The following PLA2R1 variants were observed in gnomAD, a reference collection of about 807,000 sequenced individuals.
PLA2R1 encodes the protein phospholipase A2 receptor 1, also known as secretory phospholipase A2 receptor.
Under a neutral mutation model 195.9 loss-of-function variants are expected in PLA2R1, and 158 were observed. The observed-to-expected ratio is 0.81, with a 90% CI of 0.71 to 0.92. The LOEUF (loss-of-function observed/expected upper bound fraction) is 0.92. PLA2R1 is among the 40% of genes least tolerant of loss of function. The pLI is 0.00. For synonymous variants in PLA2R1, 586 were observed against 598.2 expected (o/e 0.98, Z 0.30); for missense variants, 1,626 against 1,764.6 (o/e 0.92, Z 1.41).
At chr2:159,929,627 C>T (rs1349020822), downstream of PLA2R1, among the ~76,000 whole-genome samples, 4 of 152,046 alleles carry the variant, frequency 2.6e-5, no homozygotes, top group African/African-American at 9.7e-5. Context: ...AACTACCATT[C>T]GATCCAGCAA....
intron 18 of PLA2R1, 77 bp from the exon 19 acceptor site, chr2:159,969,436 A>C (rs1476799447): frequency 2.6e-6 from 2 of 769,940 alleles, no homozygotes; most frequent in Non-Finnish European, 4.5e-6. Context: ...TAGAGTTCTG[A>C]GGTAGGGATT....
intron 10 of PLA2R1, among the ~76,000 whole-genome samples, chr2:160,010,275 A>C (rs1021381718): frequency 2.6e-5 from 4 of 152,232 alleles, no homozygotes; most frequent in Non-Finnish European, 4.4e-5. Flanking sequence ...CCAATTATCC[A>C]TTATAATTTT....
chr2:159,961,953 C>T (rs1022526324), intron 20 of PLA2R1, among the ~76,000 whole-genome samples: 3 of 152,148 alleles, frequency 2.0e-5, no homozygotes, highest in Admixed American at 6.6e-5. Context: ...CTGGGCAATA[C>T]CATTCAGGAC....
rs1686858900 is a variant in PLA2R1 at position 159,936,841 on chromosome 2, A to C, written c.*4937T>G. The C allele has an allele frequency of 6.6e-6, 1 of 152,260 alleles. No individual in the cohort carries two copies. Among genetic ancestry groups the C allele is most frequent in the Non-Finnish European group, 1.5e-5 (1 of 68,044 alleles). 9.4% of individuals were successfully genotyped at this position (152,260 alleles called of 1,614,324 possible). ...TGACCATAGCAGGCTTCGCATGATC[A>C]ATAAATTAACTTCTGAGTTTTGTTT... On this transcript the variant is annotated 3_prime_UTR_variant, in exon 30 of 30. Coordinates refer to ENST00000283243, the MANE Select transcript of PLA2R1 (RefSeq NM_007366.5).
At chr2:159,991,546 C>G (rs994746798) in intron 11 of PLA2R1, among the ~76,000 whole-genome samples, 2 of 150,774 alleles carry the variant, frequency 1.3e-5, no homozygotes, top group African/African-American at 2.4e-5. Context: ...ATGTGCCATG[C>G]TGGTGCGCTG....
chr2:160,037,093 A>C (rs6751162), intron 3 of PLA2R1, among the ~76,000 whole-genome samples: 123,250 of 152,074 alleles, frequency 0.81, 50,374 homozygotes, highest in Admixed American at 0.88. Context: ...ATCTTCAATA[A>C]ATCCACATTT....
Position 159,951,552 on chromosome 2 carries a change from A to C in PLA2R1, c.3328T>G (p.Ser1110Ala), listed in dbSNP as rs1206003061. Residue 1110 changes from serine to alanine, a missense_variant, in exon 24 of 30, where the codon TCT becomes GCT. Coordinates refer to ENST00000283243, the MANE Select transcript of PLA2R1 (RefSeq NM_007366.5). The stretch of plus-strand genomic sequence containing the variant: ...GTATTGGGCATTGGATACATATCAG[A>C]TGTATTTACACCGTGTCCAGAAGTA... ...QDTSGHGVNT[S>A]DMYPMPNTLE... The C allele has an allele frequency of 1.3e-5, 21 of 1,578,812 alleles. No individual in the cohort carries two copies. The highest frequency in any genetic ancestry group is 1.7e-5 in the Non-Finnish European group (20 of 1,146,936).
chr2:160,040,656 AC>A (rs1403490844), intron 3 of PLA2R1, among the ~76,000 whole-genome samples: 1 of 152,174 alleles, frequency 6.6e-6, no homozygotes, highest in African/African-American at 2.4e-5. Context: ...TTTCTGGCAT[AC>A]AGCAAACCTG....
At chr2:160,061,329 C>T (rs1180699919) in intron 1 of PLA2R1, among the ~76,000 whole-genome samples, 1 of 152,204 alleles carries the variant, frequency 6.6e-6, no homozygotes, top group Non-Finnish European at 1.5e-5. Context: ...TCCTCCCTCT[C>T]TTTACACAAC....
chr2:159,924,375 C>T, the PLA2R1 span, among the ~76,000 whole-genome samples: 21 of 152,162 alleles, frequency 1.4e-4, no homozygotes, highest in African/African-American at 4.8e-4. Flanking sequence ...GTAGGGACTA[C>T]TCTTCAGCCT....
the PLA2R1 span, among the ~76,000 whole-genome samples, chr2:159,926,379 A>G: frequency 7.0e-6 from 1 of 143,318 alleles, no homozygotes; most frequent in African/African-American, 2.4e-5. Flanking sequence ...TGAAAGTATA[A>G]TTTAGCAGTT....
intron 11 of PLA2R1, among the ~76,000 whole-genome samples, chr2:159,993,104 A>G (rs1225152677): frequency 6.6e-6 from 1 of 152,098 alleles, no homozygotes; most frequent in Non-Finnish European, 1.5e-5. Context: ...CTCCACTTAT[A>G]TTGAATCTTT....
intron 17 of PLA2R1, among the ~76,000 whole-genome samples, chr2:159,975,692 C>T (rs981833323): frequency 6.6e-6 from 1 of 151,786 alleles, no homozygotes; most frequent in African/African-American, 2.4e-5. Flanking sequence ...TCTTCCCAGA[C>T]GAGAATATAA....
rs113805634 is a variant in PLA2R1 at position 160,030,031 on chromosome 2, A to G, written c.842-1068T>C. 9.7e-3 allele frequency among the ~76,000 whole-genome samples: 1,471 copies of G among 152,328 alleles called. 12 individuals are homozygous for G. Among genetic ancestry groups the G allele is most frequent in the South Asian group, 0.029 (140 of 4,824 alleles). On this transcript the variant is annotated intron_variant, in intron 4 of 29. Transcript: ENST00000283243. ...TCATGGTTCATGCTGGTATTTCCAG[A>G]ATAATTATTAATCACAGTCCCTTTT...
At chr2:160,011,861 G>A (rs919371313) in intron 10 of PLA2R1, among the ~76,000 whole-genome samples, 3 of 152,164 alleles carry the variant, frequency 2.0e-5, no homozygotes, top group Non-Finnish European at 2.9e-5. Context: ...CAAAGGTAGT[G>A]CTATATTTCA....
chr2:159,999,761 T>A (rs996960430), intron 11 of PLA2R1, among the ~76,000 whole-genome samples: 6 of 152,122 alleles, frequency 3.9e-5, no homozygotes, highest in South Asian at 2.1e-4. Context: ...AAAGAAAAAA[T>A]TTTTAAAAAC....
At chr2:160,011,597 A>G (rs1276567815) in intron 10 of PLA2R1, among the ~76,000 whole-genome samples, 1 of 152,226 alleles carries the variant, frequency 6.6e-6, no homozygotes, top group Non-Finnish European at 1.5e-5. Context: ...AATAAGACAT[A>G]AAAAACAGGT....
chr2:159,967,172 C>T (rs540826101), intron 20 of PLA2R1, among the ~76,000 whole-genome samples: 5 of 152,062 alleles, frequency 3.3e-5, no homozygotes, highest in African/African-American at 9.7e-5. Flanking sequence ...CATACATACA[C>T]GTGCACACAC....
chr2:159,953,709 G>T (rs912812267), intron 23 of PLA2R1, among the ~76,000 whole-genome samples: 1 of 152,198 alleles, frequency 6.6e-6, no homozygotes, highest in East Asian at 1.9e-4. Flanking sequence ...TACACTGTTA[G>T]TCCCAAAAAT....
Sources: gnomAD v4.1 joint callset for allele counts (sites outside exome capture counted in the v4.1 genomes callset) on GRCh38, gnomAD v4.1.1 for gene constraint, MANE v1.5 for transcripts, NCBI Gene and HGNC (gene_info 2026-07-23, HGNC 2026-07-21) for gene names.